FAF1: variants seen among roughly 807,000 people sequenced by gnomAD.
FAF1 encodes FAS-associated factor 1.
A neutral mutation model predicts 92.5 loss-of-function variants in FAF1; 25 were observed. The ratio of observed to expected loss-of-function variants is 0.27; its 90% confidence interval spans 0.20 to 0.38. The LOEUF (loss-of-function observed/expected upper bound fraction) is 0.38, where lower values mean the gene tolerates loss of function less well. Among genes scored for constraint, FAF1 ranks in the 10% least tolerant of loss-of-function variants. The pLI is 1.00. For missense variants in FAF1, 636 were observed against 793.3 expected (o/e 0.80, Z 2.38); for synonymous variants, 234 against 273.2 (o/e 0.86, Z 1.42).
intron 18 of FAF1, among the ~76,000 whole-genome samples, chr1:50,448,506 G>T (rs1026074326): frequency 2.0e-5 from 3 of 152,180 alleles, no homozygotes; most frequent in Admixed American, 6.5e-5. Flanking sequence ...CTCCCACACA[G>T]GGGTGAGAAC....
chr1:50,623,648 G>C (rs1370575781), intron 8 of FAF1, among the ~76,000 whole-genome samples: 2 of 151,036 alleles, frequency 1.3e-5, no homozygotes, highest in African/African-American at 2.4e-5. Flanking sequence ...TCATAAACCA[G>C]AGCACAAATG....
At position 50,697,411 on chromosome 1, in the gene FAF1, T is replaced by C. The variant is rs1411020323; in HGVS notation, c.657+8375A>G. Among the ~76,000 whole-genome samples the C allele has an allele frequency of 3.3e-5, 5 of 152,156 alleles. No homozygotes were observed. The East Asian group carries it at 9.6e-4, about 29-fold the overall frequency. On this transcript the variant is annotated intron_variant, in intron 7 of 18. Transcript: ENST00000396153. ...TTGCAGTTATTCATGATAAATAATATCATTAACATTCTCTCTCTGGGCCCC... is the reference window on the plus strand; with the variant it reads ...TTGCAGTTATTCATGATAAATAATACCATTAACATTCTCTCTCTGGGCCCC...
chr1:50,920,539 G>A (rs1214512719), intron 1 of FAF1, among the ~76,000 whole-genome samples: 1 of 152,042 alleles, frequency 6.6e-6, no homozygotes, highest in Non-Finnish European at 1.5e-5. Context: ...CAAAATATTA[G>A]CAAATCAAAT....
intron 7 of FAF1, among the ~76,000 whole-genome samples, chr1:50,693,431 C>T (rs369556430): frequency 8.6e-5 from 13 of 152,038 alleles, no homozygotes; most frequent in Non-Finnish European, 1.0e-4. Flanking sequence ...AGTCTTAATA[C>T]TCATATGGAA....
chr1:50,922,103 G>A (rs1644967898), intron 1 of FAF1, among the ~76,000 whole-genome samples: 1 of 150,562 alleles, frequency 6.6e-6, no homozygotes, highest in Non-Finnish European at 1.5e-5. Flanking sequence ...GGAGGCAGAG[G>A]TTGCAGTGAG....
intron 1 of FAF1, among the ~76,000 whole-genome samples, chr1:50,907,105 G>A (rs1423507414): frequency 6.6e-6 from 1 of 152,160 alleles, no homozygotes; most frequent in Non-Finnish European, 1.5e-5. Context: ...ATAGAATTTT[G>A]TTGAAGGTCT....
At chr1:50,639,145 T>C (rs1394035194) in intron 8 of FAF1, among the ~76,000 whole-genome samples, 1 of 152,268 alleles carries the variant, frequency 6.6e-6, no homozygotes, top group African/African-American at 2.4e-5. Context: ...GCTTTTCATT[T>C]GGAGTAGCAT....
intron 4 of FAF1, among the ~76,000 whole-genome samples, chr1:50,769,087 T>A (rs1660685320): frequency 6.7e-6 from 1 of 148,942 alleles, no homozygotes; most frequent in Admixed American, 6.7e-5. Context: ...TAGCTCCAAA[T>A]AAACACAGTC....
intron 13 of FAF1, among the ~76,000 whole-genome samples, chr1:50,555,206 G>C (rs1461113291): frequency 6.6e-6 from 1 of 151,472 alleles, no homozygotes; most frequent in Non-Finnish European, 1.5e-5. Context: ...CCAGGTGACA[G>C]AGCGAGACAC....
At position 50,944,579 on chromosome 1, in the gene FAF1, G is replaced by C. The variant is rs186227579; in HGVS notation, c.45+15188C>G. Among the ~76,000 whole-genome samples the C allele has an allele frequency of 2.0e-4, 31 of 152,254 alleles. No homozygotes were observed. The South Asian group carries it at 2.3e-3, about 11-fold the overall frequency. On this transcript the variant is annotated intron_variant, in intron 1 of 18. Coordinates refer to ENST00000396153, the MANE Select transcript of FAF1 (RefSeq NM_007051.3). Reference sequence around the variant, plus strand: ...AATGTCAGGCGCAAGAGGGTCAAGGGAATTTGCATAAAACCTACAGAAACC... The same window carrying C: ...AATGTCAGGCGCAAGAGGGTCAAGGCAATTTGCATAAAACCTACAGAAACC...
At position 50,716,062 on chromosome 1, in the gene FAF1, T is replaced by C. The variant is rs558714161; in HGVS notation, c.552-10171A>G. On this transcript the variant is annotated intron_variant, in intron 6 of 18. Coordinates refer to ENST00000396153, the MANE Select transcript of FAF1 (RefSeq NM_007051.3). ...AACCCACTTGTAAGAAAGCACAGGG[T>C]TATTTTAATACACAAAGTAATTTTT... Among the ~76,000 whole-genome samples the C allele has an allele frequency of 6.6e-5, 10 of 152,306 alleles. No individual in the cohort carries two copies. In the East Asian group the frequency reaches 1.9e-3, roughly 29 times the overall value.
chr1:50,615,479 A>G (rs2124152669), intron 8 of FAF1, among the ~76,000 whole-genome samples: 1 of 152,350 alleles, frequency 6.6e-6, no homozygotes, highest in East Asian at 1.9e-4. Context: ...GAACTAATTT[A>G]CATTACCACT....
intron 1 of FAF1, among the ~76,000 whole-genome samples, chr1:50,898,591 A>G (rs910831674): frequency 6.6e-6 from 1 of 152,200 alleles, no homozygotes; most frequent in Non-Finnish European, 1.5e-5. Flanking sequence ...ATAAAAGATA[A>G]TTTCTGTAAT....
chr1:50,616,661 C>G (rs1343519924), intron 8 of FAF1, among the ~76,000 whole-genome samples: 1 of 150,730 alleles, frequency 6.6e-6, no homozygotes, highest in African/African-American at 2.4e-5. Context: ...TATAGAAATG[C>G]TACTGATTTT....
chr1:50,471,787 G>T (rs1330443039), intron 18 of FAF1, among the ~76,000 whole-genome samples: 1 of 152,102 alleles, frequency 6.6e-6, no homozygotes, highest in Non-Finnish European at 1.5e-5. Context: ...TAAATTGAAA[G>T]ATCTCACTTT....
intron 12 of FAF1, among the ~76,000 whole-genome samples, chr1:50,572,626 G>A (rs1355454138): frequency 6.6e-6 from 1 of 152,200 alleles, no homozygotes; most frequent in African/African-American, 2.4e-5. Flanking sequence ...CACACTATCT[G>A]GATTCAAATT....
intron 4 of FAF1, among the ~76,000 whole-genome samples, chr1:50,747,166 A>G (rs781051001): frequency 1.3e-5 from 2 of 152,180 alleles, no homozygotes; most frequent in Non-Finnish European, 2.9e-5. Flanking sequence ...TGGAGCTGTG[A>G]GAAGAAGGCC....
intron 18 of FAF1, among the ~76,000 whole-genome samples, chr1:50,467,131 G>A (rs1317594065): frequency 6.6e-6 from 1 of 152,004 alleles, no homozygotes; most frequent in Non-Finnish European, 1.5e-5. Flanking sequence ...CTTATTCCTT[G>A]GCACTAAGCA....
chr1:50,808,054 A>C (rs1006711649), intron 2 of FAF1, among the ~76,000 whole-genome samples: 4 of 152,114 alleles, frequency 2.6e-5, no homozygotes, highest in Non-Finnish European at 5.9e-5. Flanking sequence ...TAACAGTGGA[A>C]CTTTCAGCAG....
Sources: gnomAD v4.1 joint callset for allele counts (sites outside exome capture counted in the v4.1 genomes callset) on GRCh38, gnomAD v4.1.1 for gene constraint, MANE v1.5 for transcripts, NCBI Gene and HGNC (gene_info 2026-07-23, HGNC 2026-07-21) for gene names.